The following VPS13D variants were observed in gnomAD, a reference collection of about 807,000 sequenced individuals.
VPS13D encodes the protein vacuolar protein sorting 13 homolog D.
Under a neutral mutation model 461.9 loss-of-function variants are expected in VPS13D, and 187 were observed. The ratio of observed to expected loss-of-function variants is 0.40; its 90% CI spans 0.36 to 0.46. The LOEUF is 0.46. VPS13D is among the 20% of genes least tolerant of loss of function. The pLI is 0.60. For synonymous variants in VPS13D, 1,951 were observed against 1,986.3 expected, an observed-to-expected ratio of 0.98 and a Z score of 0.47; for missense variants, 4,711 against 5,364.9, an observed-to-expected ratio of 0.88 and a Z score of 3.81.
chr1:12,251,242 G>T (rs1300043539), intron 6 of VPS13D, among the ~76,000 whole-genome samples: 1 of 152,184 alleles, frequency 6.6e-6, no homozygotes, highest in African/African-American at 2.4e-5. Flanking sequence ...CTGTGCTCCT[G>T]CCTGCCACAC....
At chr1:12,274,973 C>T (rs1055730546) in intron 18 of VPS13D, among the ~76,000 whole-genome samples, 3 of 151,994 alleles carry the variant, frequency 2.0e-5, no homozygotes, top group Non-Finnish European at 4.4e-5. Flanking sequence ...AATCCCAGCA[C>T]TTAGGGAGGC....
At chr1:12,483,867 G>A (rs1400390910) in intron 67 of VPS13D, among the ~76,000 whole-genome samples, 6 of 151,878 alleles carry the variant, frequency 4.0e-5, no homozygotes, top group East Asian at 3.9e-4. Context: ...GTGTGGTGGC[G>A]CACCCCTGTA....
At chr1:12,487,782 C>T (rs1327828156) in intron 67 of VPS13D, among the ~76,000 whole-genome samples, 1 of 152,156 alleles carries the variant, frequency 6.6e-6, no homozygotes. Context: ...TCAGTCAAGG[C>T]AGCTTCATTG....
intron 25 of VPS13D, among the ~76,000 whole-genome samples, chr1:12,301,496 G>A (rs997971351): frequency 3.0e-4 from 45 of 152,190 alleles, no homozygotes; most frequent in African/African-American, 1.0e-3. Context: ...TGCATAGGGC[G>A]AGACCCCGCA....
Position 12,497,657 on chromosome 1 carries a change from C to T in VPS13D, c.12794+26C>T, listed in dbSNP as rs1645978715. 2.5e-6 allele frequency: 4 copies of T among 1,602,602 alleles called. No homozygotes were observed. In the South Asian group the frequency reaches 4.4e-5, roughly 18 times the overall value. ...GTAAGTTAGAGCATGGGAAACCAGC[C>T]CTGTGGGTCTACTGAGTTGCCTCTT... On this transcript the variant is annotated intron_variant, in intron 68 of 69. Coordinates refer to ENST00000620676, the MANE Select transcript of VPS13D (RefSeq NM_015378.4).
At chr1:12,329,719 T>C in intron 36 of VPS13D, 110 bp from the exon 37 acceptor site, 2 of 711,190 alleles carry the variant, frequency 2.8e-6, no homozygotes, top group Non-Finnish European at 4.9e-6. Flanking sequence ...CAGAATGTTG[T>C]GTGCTCTCCT....
intron 6 of VPS13D, among the ~76,000 whole-genome samples, chr1:12,250,475 T>G (rs1640699474): frequency 6.6e-6 from 1 of 152,250 alleles, no homozygotes; most frequent in East Asian, 1.9e-4. Context: ...ATATTTCATG[T>G]ATGCCACAGC....
chr1:12,368,638 G>C (rs754849830), intron 53 of VPS13D, 47 bp downstream of exon 53: 2 of 1,592,458 alleles, frequency 1.3e-6, no homozygotes, highest in Non-Finnish European at 1.7e-6. Flanking sequence ...ATGTGTGGGA[G>C]GGTGGAGTGT....
intron 44 of VPS13D, among the ~76,000 whole-genome samples, chr1:12,347,275 A>G (rs958906772): frequency 2.0e-5 from 3 of 152,076 alleles, no homozygotes; most frequent in Admixed American, 6.5e-5. Context: ...GGTTCAAGCA[A>G]TTCTCTTGCC....
At chr1:12,298,585 T>C (rs923350981) in intron 24 of VPS13D, among the ~76,000 whole-genome samples, 31 of 151,366 alleles carry the variant, frequency 2.0e-4, no homozygotes, top group Admixed American at 2.0e-3. Flanking sequence ...GAGTTTGTAG[T>C]GAGCTGAAAT....
intron 63 of VPS13D, among the ~76,000 whole-genome samples, chr1:12,412,335 G>A (rs531947186): frequency 9.8e-5 from 15 of 152,322 alleles, no homozygotes; most frequent in East Asian, 1.9e-4. Flanking sequence ...GTTGAAAAGC[G>A]CAAAGAGCAG....
intron 67 of VPS13D, among the ~76,000 whole-genome samples, chr1:12,470,106 C>T (rs1645542917): frequency 6.6e-6 from 1 of 152,146 alleles, no homozygotes; most frequent in Non-Finnish European, 1.5e-5. Context: ...AGCAGATTTC[C>T]CCAAACATAC....
intron 1 of VPS13D, among the ~76,000 whole-genome samples, chr1:12,231,610 T>C (rs575307743): frequency 3.0e-4 from 46 of 152,354 alleles, no homozygotes; most frequent in African/African-American, 1.1e-3. Context: ...TACTCTGACC[T>C]TGGCTTCTTG....
intron 65 of VPS13D, among the ~76,000 whole-genome samples, chr1:12,437,142 C>T (rs1310167552): frequency 8.5e-5 from 13 of 152,154 alleles, no homozygotes; most frequent in Non-Finnish European, 1.9e-4. Flanking sequence ...CAAGTCATGG[C>T]TTGTTTGCAG....
intron 68 of VPS13D, among the ~76,000 whole-genome samples, chr1:12,498,835 T>A (rs922896271): frequency 1.2e-4 from 18 of 152,176 alleles, no homozygotes; most frequent in Admixed American, 1.1e-3. Flanking sequence ...GTGTCTCTTA[T>A]AAGGGTACTA....
chr1:12,436,077 G>A (rs1645056564), intron 65 of VPS13D, among the ~76,000 whole-genome samples: 1 of 152,228 alleles, frequency 6.6e-6, no homozygotes, highest in African/African-American at 2.4e-5. Flanking sequence ...AACTAGAAAT[G>A]CCAGGCTCTG....
intron 60 of VPS13D, among the ~76,000 whole-genome samples, chr1:12,390,449 G>A (rs138607151): frequency 2.5e-3 from 381 of 152,292 alleles, no homozygotes; most frequent in Admixed American, 4.3e-3. Context: ...GTCCACTGCC[G>A]CACTTCTTTA....
intron 25 of VPS13D, among the ~76,000 whole-genome samples, chr1:12,303,263 A>C (rs756030024): frequency 3.3e-5 from 5 of 152,210 alleles, no homozygotes; most frequent in Non-Finnish European, 5.9e-5. Context: ...ACATAAATCC[A>C]TGTCTTAATG....
At position 12,268,792 on chromosome 1, in the gene VPS13D, A is replaced by G. The variant is rs1422127786; in HGVS notation, c.1888A>G (p.Thr630Ala). The change falls in exon 16 of 70, where the codon ACA (threonine) becomes GCA (alanine). Residue 630 changes from threonine (T) to alanine (A), a missense_variant. By Grantham distance (58) the Thr-to-Ala change is moderately conservative. Coordinates refer to ENST00000620676, the MANE Select transcript of VPS13D (RefSeq NM_015378.4). Reference protein sequence around the residue: ...SHFERRLNVSTRPLNIIYNPQ... With the variant: ...SHFERRLNVSARPLNIIYNPQ... ...CTTTGAGAGGCGGCTCAATGTCAGC[A>G]CAAGGCCCTTGAACATCATATACAA... 1 of 1,614,190 alleles carries G rather than the reference A, an allele frequency of 6.2e-7. No homozygotes were observed. The highest frequency in any genetic ancestry group is 1.1e-5 in the South Asian group (1 of 91,082).
Sources: gnomAD v4.1 joint callset for allele counts (sites outside exome capture counted in the v4.1 genomes callset) on GRCh38, gnomAD v4.1.1 for gene constraint, MANE v1.5 for transcripts, NCBI Gene and HGNC (gene_info 2026-07-23, HGNC 2026-07-21) for gene names.